Variants in NAA16 observed in about 807,000 individuals in gnomAD.
NAA16 encodes the protein N-alpha-acetyltransferase 16, NatA auxiliary subunit.
NAA16 carries 97 observed loss-of-function variants against 110.3 expected under a neutral mutation model. That is an observed-to-expected ratio of 0.88 (90% CI 0.75 to 1.04). NAA16 has a LOEUF of 1.04. Ranked by LOEUF, NAA16 falls within the 50% of genes least tolerant of loss-of-function variation. NAA16 has a pLI of 0.00. For missense variants in NAA16, 1,017 were observed against 1,005.1 expected (o/e 1.01, Z -0.16); for synonymous variants, 372 against 330.6 (o/e 1.13, Z -1.36).
intron 9 of NAA16, among the ~76,000 whole-genome samples, chr13:41,349,676 C>T (rs903473820): frequency 1.4e-4 from 22 of 152,004 alleles, no homozygotes; most frequent in Admixed American, 1.3e-3. Context: ...TTTAAAATGT[C>T]ATACGTGGCC....
At chr13:41,336,298 C>A (rs918454796) in intron 8 of NAA16, among the ~76,000 whole-genome samples, 10 of 151,914 alleles carry the variant, frequency 6.6e-5, no homozygotes, top group African/African-American at 2.4e-4. Flanking sequence ...AAGTAAATGA[C>A]AAGTTGATTT....
chr13:41,372,931 T>A, intron 17 of NAA16, 101 bp downstream of exon 17: 2 of 1,237,776 alleles, frequency 1.6e-6, no homozygotes, highest in Non-Finnish European at 2.1e-6. Context: ...TAACCCTCTC[T>A]TTGTGAAGTA....
At chr13:41,318,205 A>AT (rs771469935) in intron 2 of NAA16, among the ~76,000 whole-genome samples, 481 of 142,690 alleles carry the variant, frequency 3.4e-3, no homozygotes, top group Admixed American at 4.8e-3. Flanking sequence ...CTGCTTTGTA[A>AT]TTTTTTTTTT....
chr13:41,369,181 AG>A lies in NAA16; in HGVS notation c.1846del (p.Glu616LysfsTer32). The A allele has an allele frequency of 6.3e-7, 1 of 1,599,150 alleles. No homozygotes were observed. Among genetic ancestry groups the A allele is most frequent in the East Asian group, 2.2e-5 (1 of 44,660 alleles). Reference protein sequence around the residue: ...AKLEEERKHAERERQQKNQKK... With the variant: ...AKLEEERKHAXRERQQKNQKK... ...AACTAGAAGAAGAAAGAAAGCATGCAGAAAGAGAACGTCAACAGAAAAATCA... is the reference window on the plus strand; with the variant it reads ...AACTAGAAGAAGAAAGAAAGCATGCAAAAGAGAACGTCAACAGAAAAATCA... On this transcript the variant is annotated frameshift_variant, in exon 15 of 20. Transcript: ENST00000379406. LOFTEE classifies it high-confidence loss of function.
chr13:41,359,106 C>T, intron 12 of NAA16, 144 bp downstream of exon 12: 1 of 713,082 alleles, frequency 1.4e-6, no homozygotes, highest in South Asian at 2.3e-5. Flanking sequence ...TCCCATTTAA[C>T]CCATATCCTA....
At chr13:41,313,594 T>G (rs1220711593) in intron 1 of NAA16, among the ~76,000 whole-genome samples, 2 of 152,212 alleles carry the variant, frequency 1.3e-5, no homozygotes, top group African/African-American at 2.4e-5. Flanking sequence ...TTGAAAAAAT[T>G]CAAACACATC....
chr13:41,347,076 C>T (rs2042700938), intron 9 of NAA16, among the ~76,000 whole-genome samples: 2 of 151,676 alleles, frequency 1.3e-5, no homozygotes, highest in South Asian at 2.1e-4. Context: ...AATTAGCTGG[C>T]GTGGTGGCAG....
intron 12 of NAA16, among the ~76,000 whole-genome samples, chr13:41,360,020 GC>G (rs1294778069): frequency 3.3e-5 from 5 of 152,168 alleles, no homozygotes; most frequent in Non-Finnish European, 7.4e-5. Context: ...ATAGTAAATA[GC>G]ACTAGGTTCA....
intron 13 of NAA16, among the ~76,000 whole-genome samples, chr13:41,366,812 TTGGC>T (rs60292064): frequency 0.95 from 144,055 of 152,068 alleles, 68,299 homozygotes; most frequent in South Asian, 0.99. Flanking sequence ...CCTTAAGAAA[TTGGC>T]TGTATGGATT....
In NAA16 at chr13:41,376,995, T is replaced by A. The variant is rs1436308597; in HGVS notation, c.*1393T>A. On this transcript the variant is annotated 3_prime_UTR_variant, in exon 20 of 20. Transcript: ENST00000379406. ...AACTCGCTGTAAAATAATGCCAACC[T>A]AGATAATGCTATAATAAATTATTTT... The A allele has an allele frequency of 6.6e-6, 1 of 152,174 alleles. No individual in the cohort carries two copies. The highest frequency in any genetic ancestry group is 1.5e-5 in the Non-Finnish European group (1 of 68,012). 9.4% of individuals were successfully genotyped at this position (152,174 alleles called of 1,614,324 possible). A position where few individuals can be genotyped will look rare whatever the true frequency, so the allele number is the denominator to read the frequency against.
At chr13:41,323,324 A>G (rs2041995786) in intron 5 of NAA16, 134 bp downstream of exon 5, 2 of 832,222 alleles carry the variant, frequency 2.4e-6, no homozygotes, top group South Asian at 3.5e-5. Context: ...AATTGGAAAC[A>G]GTTAAAATGT....
Position 41,320,791 on chromosome 13 carries a change from G to A in NAA16, c.369G>A (p.Leu123=). The change falls in exon 4 of 20, where the codon TTG becomes TTA. Residue 123 remains leucine (L), a synonymous_variant. Coordinates refer to ENST00000379406, the MANE Select transcript of NAA16 (RefSeq NM_024561.5). ...AAATTTTGAGGGATCTCTCACTGTT[G>A]CAGATCCAAATGAGAGACCTTGAAG... ...NLQILRDLSL[L]QIQMRDLEGY... 6.2e-7 allele frequency: 1 copy of A among 1,611,900 alleles called. No individual in the cohort carries two copies. Among genetic ancestry groups the A allele is most frequent in the Non-Finnish European group, 8.5e-7 (1 of 1,179,456 alleles).
intron 15 of NAA16, 133 bp from the exon 16 acceptor site, chr13:41,372,070 A>G: frequency 1.3e-6 from 1 of 743,940 alleles, no homozygotes; most frequent in Non-Finnish European, 1.9e-6. Flanking sequence ...TGATTTTTAA[A>G]TGTTTTCTTG....
Position 41,368,596 on chromosome 13 carries a change from GAAAA to G in NAA16, c.1754-488_1754-485del, listed in dbSNP as rs996016334. 6.0e-5 allele frequency among the ~76,000 whole-genome samples: 9 copies of G among 151,182 alleles called. No homozygotes were observed. The East Asian group carries it at 1.7e-3, about 29-fold the overall frequency. On this transcript the variant is annotated intron_variant, in intron 14 of 19. Transcript: ENST00000379406. ...TCCCTCCTTGCCCAGACAAAAAACAGAAAAAAAAAGTATACAGCTGGCCCTCCAT... is the reference window on the plus strand; with the variant it reads ...TCCCTCCTTGCCCAGACAAAAAACAGAAAAAGTATACAGCTGGCCCTCCAT...
chr13:41,316,629 T>A (rs952372400), intron 1 of NAA16, among the ~76,000 whole-genome samples: 3 of 152,144 alleles, frequency 2.0e-5, no homozygotes, highest in African/African-American at 2.4e-5. Context: ...TTAAATGTCT[T>A]TTTTCATGGT....
At chr13:41,328,497 A>G (rs577764414) in intron 6 of NAA16, among the ~76,000 whole-genome samples, 134 of 152,222 alleles carry the variant, frequency 8.8e-4, no homozygotes, top group South Asian at 3.7e-3. Flanking sequence ...TTAATGTCCT[A>G]TGTATTTGTT....
rs541954089 is a variant in NAA16, at chr13:41,357,390, G to A, written c.1088-914G>A. 1.1e-4 allele frequency among the ~76,000 whole-genome samples: 17 copies of A among 150,394 alleles called. No individual in the cohort carries two copies. In the East Asian group the frequency reaches 3.3e-3, roughly 29 times the overall value. Reference sequence around the variant, plus strand: ...GTTGATTCTAATAATTTCTGCATTCGTTAGCTGGAATTTTTCTTATAAAGA... The same window carrying A: ...GTTGATTCTAATAATTTCTGCATTCATTAGCTGGAATTTTTCTTATAAAGA... On this transcript the variant is annotated intron_variant, in intron 10 of 19. Transcript: ENST00000379406.
chr13:41,331,194 A>C, intron 7 of NAA16, 80 bp from the exon 8 acceptor site: 1 of 842,874 alleles, frequency 1.2e-6, no homozygotes, highest in South Asian at 1.8e-5. Context: ...ATTTATAACA[A>C]AATTTTAGAA....
At chr13:41,312,252 T>G (rs2041630874) in intron 1 of NAA16, among the ~76,000 whole-genome samples, 1 of 152,242 alleles carries the variant, frequency 6.6e-6, no homozygotes, top group South Asian at 2.1e-4. Flanking sequence ...TGCTTTTTAG[T>G]CGCACAGGCC....
Sources: allele counts gnomAD v4.1 joint callset (sites outside exome capture counted in the v4.1 genomes callset), GRCh38; gene constraint gnomAD v4.1.1; transcripts MANE v1.5; gene names NCBI Gene and HGNC (gene_info 2026-07-23, HGNC 2026-07-21).